UBR2: variants seen among roughly 807,000 people sequenced by gnomAD.
UBR2 encodes the protein ubiquitin protein ligase E3 component n-recognin 2.
In UBR2, 92 loss-of-function variants were observed where a neutral mutation model predicts 247.9. The observed-to-expected ratio is 0.37, with a 90% confidence interval of 0.31 to 0.44. The LOEUF is 0.44. UBR2 is among the 20% of genes least tolerant of loss of function. The pLI, the probability that UBR2 is intolerant of heterozygous loss-of-function variation, is 1.00. For missense variants in UBR2, 1,613 were observed against 2,112.6 expected (o/e 0.76, Z 4.64); for synonymous variants, 672 against 693.5 (o/e 0.97, Z 0.49).
At chr6:42,641,130 A>T (rs1269941452) in intron 16 of UBR2, among the ~76,000 whole-genome samples, 1 of 152,226 alleles carries the variant, frequency 6.6e-6, no homozygotes, top group African/African-American at 2.4e-5. Flanking sequence ...CTAAGTTGAT[A>T]TATAAAACTA....
At chr6:42,682,334 G>T (rs959758330) in intron 42 of UBR2, among the ~76,000 whole-genome samples, 1 of 151,932 alleles carries the variant, frequency 6.6e-6, no homozygotes, top group Non-Finnish European at 1.5e-5. Flanking sequence ...TGGTGGTGCT[G>T]GTTGCACAAC....
intron 11 of UBR2, among the ~76,000 whole-genome samples, chr6:42,620,759 G>A (rs1425842289): frequency 6.6e-6 from 1 of 151,690 alleles, no homozygotes. Context: ...CCAGCCAGGT[G>A]TCTCTTAATG....
intron 30 of UBR2, among the ~76,000 whole-genome samples, chr6:42,660,514 G>A (rs1192908957): frequency 6.6e-6 from 1 of 152,130 alleles, no homozygotes; most frequent in Non-Finnish European, 1.5e-5. Flanking sequence ...AGTAGGAACT[G>A]TGTCTTGGGA....
intron 29 of UBR2, 100 bp downstream of exon 29, chr6:42,658,924 TAA>T (rs1797606600): frequency 2.4e-6 from 3 of 1,265,336 alleles, no homozygotes; most frequent in African/African-American, 1.6e-5. Flanking sequence ...AATCCTAAAG[TAA>T]TTTAGTAGAA....
intron 42 of UBR2, 38 bp downstream of exon 42, chr6:42,679,870 C>A: frequency 6.9e-7 from 1 of 1,440,678 alleles, no homozygotes; most frequent in Non-Finnish European, 9.6e-7. Context: ...TATTAAATAG[C>A]TCTATGGAAC....
chr6:42,585,853 TTTTTGTC>T (rs1215284316), intron 2 of UBR2, among the ~76,000 whole-genome samples: 1 of 152,194 alleles, frequency 6.6e-6, no homozygotes, highest in Non-Finnish European at 1.5e-5. Flanking sequence ...AGCTTTGTTA[TTTTTGTC>T]TTTTATCTAT....
intron 10 of UBR2, among the ~76,000 whole-genome samples, chr6:42,617,032 C>G (rs1259578579): frequency 1.3e-5 from 2 of 152,108 alleles, no homozygotes; most frequent in Non-Finnish European, 2.9e-5. Context: ...CCATTGTGCT[C>G]CAGAAGAAAG....
At chr6:42,602,794 G>T (rs760989527) in intron 4 of UBR2, among the ~76,000 whole-genome samples, 1 of 150,386 alleles carries the variant, frequency 6.6e-6, no homozygotes, top group South Asian at 2.1e-4. Context: ...TTATTTTCAG[G>T]GATCTGCTGA....
chr6:42,635,274 A>G, intron 13 of UBR2, 144 bp from the exon 14 acceptor site: 1 of 704,400 alleles, frequency 1.4e-6, no homozygotes, highest in Admixed American at 3.1e-5. Flanking sequence ...ATTATTTCTC[A>G]TAGTACTTGA....
chr6:42,623,652 A>C (rs879666026), intron 11 of UBR2, among the ~76,000 whole-genome samples: 2 of 152,100 alleles, frequency 1.3e-5, no homozygotes, highest in East Asian at 3.9e-4. Context: ...GGGTTTCACC[A>C]CGTTGGTCAG....
intron 36 of UBR2, among the ~76,000 whole-genome samples, chr6:42,672,291 C>T (rs1254867077): frequency 6.6e-6 from 1 of 152,112 alleles, no homozygotes; most frequent in African/African-American, 2.4e-5. Context: ...TCTCGGCCTC[C>T]CAAAATGCTG....
chr6:42,573,742 G>A lies in UBR2; in HGVS notation c.87G>A (p.Leu29=). ...CTTTTCTTCTTTTAAAGAAATGGCT[G>A]CAAGCAACTGACCTCACTAGAGAAG... is the stretch of plus-strand genomic sequence containing the variant. The part of the protein sequence containing the change: ...CSAEEIAGKW[L]QATDLTREVY... The change falls in exon 2 of 47, where the codon CTG becomes CTA. Residue 29 remains leucine, a synonymous_variant. Transcript: ENST00000372901. 1 of 1,519,026 alleles carries A rather than the reference G, an allele frequency of 6.6e-7. No homozygotes were observed. The highest frequency in any genetic ancestry group is 2.2e-5 in the Admixed American group (1 of 45,138). 94.1% of individuals were successfully genotyped at this position (1,519,026 alleles called of 1,614,324 possible). A position where few individuals can be genotyped will look rare whatever the true frequency, so the allele number is the denominator to read the frequency against.
intron 5 of UBR2, 127 bp from the exon 6 acceptor site, chr6:42,605,594 T>TGG: frequency 1.3e-6 from 1 of 741,886 alleles, no homozygotes; most frequent in Non-Finnish European, 2.0e-6. Context: ...GGACCACAGA[T>TGG]GAATTCTTTA....
rs376717634 is a variant in UBR2 at position 42,603,301 on chromosome 6, G to A, written c.532-287G>A. ...GGTTTGATGTTAAGTTTTTGAGATCGTGGAATACCATTCTAAAATGTTTAG... is the reference window on the plus strand; with the variant it reads ...GGTTTGATGTTAAGTTTTTGAGATCATGGAATACCATTCTAAAATGTTTAG... On this transcript the variant is annotated intron_variant, in intron 4 of 46. Coordinates refer to ENST00000372901, the MANE Select transcript of UBR2 (RefSeq NM_001363705.2). Among the ~76,000 whole-genome samples the A allele has an allele frequency of 5.9e-5, 9 of 152,172 alleles. No individual in the cohort carries two copies. The East Asian group carries it at 1.3e-3, about 23-fold the overall frequency.
chr6:42,675,917 A>G, intron 38 of UBR2, 139 bp from the exon 39 acceptor site: 1 of 1,201,290 alleles, frequency 8.3e-7, no homozygotes, highest in Non-Finnish European at 1.1e-6. Context: ...AGGTTGCGCC[A>G]TTGCACTCCA....
In UBR2 at chr6:42,653,583, T is replaced by G. The variant is rs962367768; in HGVS notation, c.2769+938T>G. ...TATTCATTAAATAGAATGCCTACTT[T>G]ATGCCTTATTCCATGCTAAGCCCTT... is the stretch of plus-strand genomic sequence containing the variant. On this transcript the variant is annotated intron_variant, in intron 25 of 46. Transcript: ENST00000372901. Among the ~76,000 whole-genome samples, 5 of 151,526 alleles carry G rather than the reference T, an allele frequency of 3.3e-5. No homozygotes were observed. In the East Asian group the frequency reaches 9.6e-4, roughly 29 times the overall value.
At chr6:42,662,055 G>A in intron 30 of UBR2, 129 bp from the exon 31 acceptor site, 1 of 579,694 alleles carries the variant, frequency 1.7e-6, no homozygotes, top group Non-Finnish European at 3.0e-6. Context: ...GTATCTCAGA[G>A]GAATAAACTA....
chr6:42,602,448 TGCATCAG>T, intron 4 of UBR2, among the ~76,000 whole-genome samples: 1 of 151,538 alleles, frequency 6.6e-6, no homozygotes, highest in African/African-American at 2.4e-5. Context: ...GCGATCCGCC[TGCATCAG>T]CCTCACAAAG....
rs375388279 is a variant in UBR2, at chr6:42,681,297, G to A, written c.4718+1465G>A. Among the ~76,000 whole-genome samples the A allele has an allele frequency of 1.1e-4, 16 of 152,192 alleles. No individual in the cohort carries two copies. In the East Asian group the frequency reaches 2.1e-3, roughly 20 times the overall value. On this transcript the variant is annotated intron_variant, in intron 42 of 46. Transcript: ENST00000372901. ...AAGTGGGAGGATCACTTGAGCCCTG[G>A]AGGTCGAGGCTACAGTGAGCTGCAT...
Sources: gnomAD v4.1 joint callset for allele counts (sites outside exome capture counted in the v4.1 genomes callset) on GRCh38, gnomAD v4.1.1 for gene constraint, MANE v1.5 for transcripts, NCBI Gene and HGNC (gene_info 2026-07-23, HGNC 2026-07-21) for gene names.